The following FAM13A variants were observed in gnomAD, a reference collection of about 807,000 sequenced individuals.
FAM13A encodes family with sequence similarity 13 member A, also known as protein FAM13A.
In FAM13A, 76 loss-of-function variants were observed where a neutral mutation model predicts 129.6. The ratio of observed to expected loss-of-function variants is 0.59; its 90% CI spans 0.49 to 0.71. The LOEUF (loss-of-function observed/expected upper bound fraction) is 0.71, where lower values mean the gene tolerates loss of function less well. Ranked by LOEUF, FAM13A falls within the 30% of genes least tolerant of loss-of-function variation. The pLI is 0.00. For missense variants in FAM13A, 1,108 were observed against 1,249.3 expected (o/e 0.89, Z 1.70); for synonymous variants, 443 against 449.9 (o/e 0.98, Z 0.20).
intron 7 of FAM13A, among the ~76,000 whole-genome samples, chr4:88,820,123 T>G (rs76624591): frequency 0.033 from 4,996 of 152,308 alleles, 280 homozygotes; most frequent in African/African-American, 0.11. Context: ...ACAACGTATC[T>G]TCTATACACT....
chr4:88,911,224 A>G (rs1489441100), intron 5 of FAM13A, among the ~76,000 whole-genome samples: 1 of 152,134 alleles, frequency 6.6e-6, no homozygotes, highest in Non-Finnish European at 1.5e-5. Context: ...TCCAGTCTCC[A>G]ATCATTGCAT....
intron 7 of FAM13A, among the ~76,000 whole-genome samples, chr4:88,841,066 A>G (rs941012460): frequency 6.6e-6 from 1 of 152,094 alleles, no homozygotes; most frequent in Admixed American, 6.5e-5. Context: ...TCTTAGAAAA[A>G]AACTCAGATG....
chr4:88,731,277 G>T, intron 23 of FAM13A, 50 bp downstream of exon 23: 1 of 983,550 alleles, frequency 1.0e-6, no homozygotes, highest in Non-Finnish European at 1.6e-6. Flanking sequence ...AGGGATGGGT[G>T]TGTGTGGTGC....
chr4:88,863,235 C>T (rs986222170), intron 6 of FAM13A, among the ~76,000 whole-genome samples: 1 of 152,126 alleles, frequency 6.6e-6, no homozygotes, highest in Admixed American at 6.5e-5. Flanking sequence ...AGAATTCAAT[C>T]ACCAATGACC....
intron 4 of FAM13A, among the ~76,000 whole-genome samples, chr4:88,968,248 G>T (rs866833017): frequency 2.8e-4 from 42 of 152,248 alleles, no homozygotes; most frequent in African/African-American, 9.1e-4. Flanking sequence ...TGGAAACAAA[G>T]GTCATCATCT....
chr4:88,965,994 T>C (rs549479221), intron 4 of FAM13A, among the ~76,000 whole-genome samples: 8 of 152,222 alleles, frequency 5.3e-5, no homozygotes, highest in Non-Finnish European at 8.8e-5. Flanking sequence ...CTCTTGGCTA[T>C]TGTAATGCAG....
chr4:88,922,792 A>G (rs1417659915), intron 5 of FAM13A, among the ~76,000 whole-genome samples: 2 of 152,196 alleles, frequency 1.3e-5, no homozygotes, highest in Non-Finnish European at 2.9e-5. Flanking sequence ...AACAAAATTG[A>G]TAGACCGCTA....
intron 3 of FAM13A, among the ~76,000 whole-genome samples, chr4:89,008,786 T>C (rs536407229): frequency 2.0e-5 from 3 of 152,334 alleles, no homozygotes; most frequent in South Asian, 2.1e-4. Context: ...AACAGGCACT[T>C]AAATTGTGAT....
At chr4:88,937,172 A>G (rs1327676771) in intron 5 of FAM13A, 3 of 152,228 alleles carry the variant, frequency 2.0e-5, no homozygotes, top group Non-Finnish European at 4.4e-5. Flanking sequence ...CTTTTGTAGG[A>G]TGCTACTTGA....
intron 6 of FAM13A, among the ~76,000 whole-genome samples, chr4:88,887,930 G>C (rs1744720330): frequency 6.6e-6 from 1 of 151,912 alleles, no homozygotes; most frequent in African/African-American, 2.4e-5. Flanking sequence ...GTTTGCTCTT[G>C]ATTTTGTTTA....
intron 1 of FAM13A, among the ~76,000 whole-genome samples, chr4:89,050,884 T>C (rs766679752): frequency 5.9e-5 from 9 of 151,958 alleles, no homozygotes; most frequent in Non-Finnish European, 1.2e-4. Context: ...GCTGAGATAA[T>C]ACTACTGCTC....
intron 5 of FAM13A, among the ~76,000 whole-genome samples, chr4:88,911,763 T>C (rs1749122763): frequency 6.6e-6 from 1 of 152,134 alleles, no homozygotes; most frequent in Admixed American, 6.5e-5. Context: ...ACAAGCATGC[T>C]CTGCAGTCAT....
intron 7 of FAM13A, among the ~76,000 whole-genome samples, chr4:88,821,177 C>CA (rs1313946640): frequency 2.0e-5 from 3 of 152,148 alleles, no homozygotes; most frequent in Non-Finnish European, 4.4e-5. Context: ...GCACGCTTAA[C>CA]AAAGACAACC....
chr4:88,767,948 T>C, intron 12 of FAM13A, 35 bp downstream of exon 12: 1 of 1,308,754 alleles, frequency 7.6e-7, no homozygotes, highest in Non-Finnish European at 1.1e-6. Context: ...TTTCCTGCCC[T>C]TGGAAAGAAT....
At chr4:88,800,309 GT>G (rs1231443764) in intron 8 of FAM13A, among the ~76,000 whole-genome samples, 15 of 152,204 alleles carry the variant, frequency 9.9e-5, no homozygotes, top group Non-Finnish European at 2.2e-4. Context: ...GGCAACCTTT[GT>G]TTATATTTTA....
intron 7 of FAM13A, among the ~76,000 whole-genome samples, chr4:88,836,843 C>T (rs1019527704): frequency 2.6e-5 from 4 of 151,688 alleles, no homozygotes; most frequent in African/African-American, 9.7e-5. Flanking sequence ...GTTTGTAATC[C>T]CAGCTATTTG....
chr4:88,952,831 C>T (rs1757151685), intron 4 of FAM13A, among the ~76,000 whole-genome samples: 1 of 151,900 alleles, frequency 6.6e-6, no homozygotes, highest in Admixed American at 6.6e-5. Context: ...ATCTGTAATC[C>T]CAGCTACTCA....
intron 6 of FAM13A, among the ~76,000 whole-genome samples, chr4:88,895,303 G>C (rs887607193): frequency 5.9e-5 from 9 of 152,056 alleles, no homozygotes; most frequent in Non-Finnish European, 1.2e-4. Flanking sequence ...GTTAATGAAA[G>C]AAACATAAAA....
intron 4 of FAM13A, among the ~76,000 whole-genome samples, chr4:88,945,834 CTA>C (rs1219250372): frequency 8.7e-6 from 1 of 115,096 alleles, no homozygotes; most frequent in East Asian, 2.2e-4. Flanking sequence ...ACTACATATT[CTA>C]TGTGTGTGTG....
Sources: gnomAD v4.1 joint callset for allele counts (sites outside exome capture counted in the v4.1 genomes callset) on GRCh38, gnomAD v4.1.1 for gene constraint, MANE v1.5 for transcripts, NCBI Gene and HGNC (gene_info 2026-07-23, HGNC 2026-07-21) for gene names.